The following TNKS variants were observed in gnomAD, a reference collection of about 807,000 sequenced individuals.
The protein encoded by TNKS is tankyrase.
A neutral mutation model predicts 135.8 loss-of-function variants in TNKS; 72 were observed. The ratio of observed to expected loss-of-function variants is 0.53; its 90% confidence interval spans 0.44 to 0.64. The LOEUF (loss-of-function observed/expected upper bound fraction) is 0.64, where lower values mean the gene tolerates loss of function less well. Among genes scored for constraint, TNKS ranks in the 30% least tolerant of loss-of-function variants. TNKS has a pLI of 0.00. For synonymous variants in TNKS, 849 were observed against 649.3 expected (o/e 1.31, Z -4.68); for missense variants, 1,769 against 1,674.0 (o/e 1.06, Z -0.99).
chr8:9,679,603 C>T (rs1485651082), intron 3 of TNKS, among the ~76,000 whole-genome samples: 1 of 152,074 alleles, frequency 6.6e-6, no homozygotes, highest in African/African-American at 2.4e-5. Context: ...CCCAAGTATA[C>T]TGTGACAGCC....
At chr8:9,636,191 T>C (rs11994018) in intron 3 of TNKS, among the ~76,000 whole-genome samples, 22,782 of 152,188 alleles carry the variant, frequency 0.15, 1,896 homozygotes, top group Admixed American at 0.24. Context: ...CATGGGCAGA[T>C]GATTATAAGT....
chr8:9,658,809 G>C (rs1004229192), intron 3 of TNKS, among the ~76,000 whole-genome samples: 1 of 152,156 alleles, frequency 6.6e-6, no homozygotes, highest in African/African-American at 2.4e-5. Context: ...AAAGAGTCAA[G>C]ACCCATCAGT....
chr8:9,671,861 T>G (rs1227296352), intron 3 of TNKS, among the ~76,000 whole-genome samples: 1 of 152,222 alleles, frequency 6.6e-6, no homozygotes, highest in African/African-American at 2.4e-5. Flanking sequence ...TCTCAAAATA[T>G]TAAGTGGAAA....
chr8:9,771,262 TGAGGGAGGAAGAGAGAGC>T (rs1563225003), intron 26 of TNKS, among the ~76,000 whole-genome samples: 1 of 48,430 alleles, frequency 2.1e-5, no homozygotes, highest in Non-Finnish European at 4.1e-5. Flanking sequence ...AGGAAGGAAG[TGAGGGAGGAAGAGAGAGC>T]GAGGAAGGGA....
chr8:9,677,116 T>C (rs1352495773), intron 3 of TNKS, among the ~76,000 whole-genome samples: 1 of 152,190 alleles, frequency 6.6e-6, no homozygotes, highest in Non-Finnish European at 1.5e-5. Context: ...TCCTGGGAGC[T>C]AGCGTTTGAA....
chr8:9,659,340 A>G (rs368680313), intron 3 of TNKS, among the ~76,000 whole-genome samples: 12 of 152,120 alleles, frequency 7.9e-5, no homozygotes, highest in African/African-American at 1.9e-4. Context: ...TGGAAGTAAA[A>G]CACTCCTCAG....
At chr8:9,710,270 C>G in intron 11 of TNKS, 50 bp downstream of exon 11, 3 of 1,540,384 alleles carry the variant, frequency 1.9e-6, no homozygotes, top group Non-Finnish European at 2.7e-6. Context: ...GAGCAGCCAG[C>G]TGCTCTTAAC....
At chr8:9,613,556 A>C (rs773095072) in intron 2 of TNKS, among the ~76,000 whole-genome samples, 2 of 152,214 alleles carry the variant, frequency 1.3e-5, no homozygotes, top group East Asian at 3.8e-4. Context: ...TGTTATCAGC[A>C]TCTGGTTTAG....
chr8:9,584,400 A>T (rs2129054222), intron 2 of TNKS, among the ~76,000 whole-genome samples: 1 of 152,264 alleles, frequency 6.6e-6, no homozygotes, highest in South Asian at 2.1e-4. Flanking sequence ...TAAATGTAGA[A>T]TTTTGAATAC....
intron 2 of TNKS, among the ~76,000 whole-genome samples, chr8:9,586,420 G>GT (rs146500146): frequency 6.6e-4 from 100 of 151,800 alleles, no homozygotes; most frequent in African/African-American, 2.2e-3. Context: ...GATTTCTGCT[G>GT]TTTTTTTTCC....
intron 3 of TNKS, among the ~76,000 whole-genome samples, chr8:9,633,221 G>A (rs192444227): frequency 1.3e-5 from 2 of 152,160 alleles, no homozygotes; most frequent in East Asian, 3.9e-4. Context: ...TAGGTGATCC[G>A]GAACTGGATT....
intron 3 of TNKS, among the ~76,000 whole-genome samples, chr8:9,678,502 A>G (rs1481701977): frequency 6.6e-6 from 1 of 152,206 alleles, no homozygotes; most frequent in Non-Finnish European, 1.5e-5. Flanking sequence ...ATATTCTTAA[A>G]CTTATAACTT....
intron 11 of TNKS, among the ~76,000 whole-genome samples, chr8:9,718,824 G>A (rs1326240175): frequency 6.6e-6 from 1 of 152,178 alleles, no homozygotes; most frequent in Non-Finnish European, 1.5e-5. Flanking sequence ...GACAGTTTCT[G>A]TAACCTGGTG....
At chr8:9,659,659 C>A (rs1356284204) in intron 3 of TNKS, among the ~76,000 whole-genome samples, 2 of 152,116 alleles carry the variant, frequency 1.3e-5, no homozygotes, top group African/African-American at 4.8e-5. Context: ...GACACCCTAA[C>A]ATCACAATTA....
At chr8:9,718,247 CTG>C (rs368947716) in intron 11 of TNKS, among the ~76,000 whole-genome samples, 6 of 152,112 alleles carry the variant, frequency 3.9e-5, no homozygotes, top group African/African-American at 1.4e-4. Flanking sequence ...AGAGTACAGA[CTG>C]TTTTCAACTC....
intron 17 of TNKS, among the ~76,000 whole-genome samples, chr8:9,746,643 C>G (rs928686983): frequency 6.6e-6 from 1 of 152,150 alleles, no homozygotes; most frequent in East Asian, 1.9e-4. Flanking sequence ...TATTAATCCC[C>G]TATTCCATTT....
chr8:9,772,860 T>TGTGG (rs59189368), intron 26 of TNKS, among the ~76,000 whole-genome samples: 1 of 122,350 alleles, frequency 8.2e-6, no homozygotes, highest in Non-Finnish European at 1.8e-5. Context: ...TGTGTGTGTG[T>TGTGG]AGTGCGTATG....
intron 13 of TNKS, among the ~76,000 whole-genome samples, 186 bp downstream of exon 13, chr8:9,726,906 G>GTA (rs1422105363): frequency 1.3e-5 from 2 of 152,018 alleles, no homozygotes; most frequent in African/African-American, 4.8e-5. Context: ...GAAACCATTT[G>GTA]TATATATATG....
At chr8:9,695,694 C>T (rs1803481341) in intron 5 of TNKS, among the ~76,000 whole-genome samples, 1 of 152,140 alleles carries the variant, frequency 6.6e-6, no homozygotes, top group Non-Finnish European at 1.5e-5. Flanking sequence ...GCTGTTGCCA[C>T]TAGCCAGCTG....
Sources: gnomAD v4.1 joint callset for allele counts (sites outside exome capture counted in the v4.1 genomes callset) on GRCh38, gnomAD v4.1.1 for gene constraint, MANE v1.5 for transcripts, NCBI Gene and HGNC (gene_info 2026-07-23, HGNC 2026-07-21) for gene names.